TRMT11: variants seen among roughly 807,000 people sequenced by gnomAD.
TRMT11 encodes the protein tRNA (guanine(10)-N(2))-methyltransferase TRMT11.
Under a neutral mutation model 62.8 loss-of-function variants are expected in TRMT11, and 53 were observed. That is an observed-to-expected ratio of 0.84 (90% confidence interval 0.68 to 1.06). The LOEUF (loss-of-function observed/expected upper bound fraction) is 1.06. TRMT11 is among the 50% of genes least tolerant of loss of function. TRMT11 has a pLI of 0.00. For synonymous variants in TRMT11, 188 were observed against 190.3 expected (o/e 0.99, Z 0.10); for missense variants, 556 against 553.4 (o/e 1.00, Z -0.05).
chr6:126,244,295 G>C, the TRMT11 span, among the ~76,000 whole-genome samples: 1 of 151,928 alleles, frequency 6.6e-6, no homozygotes, highest in African/African-American at 2.4e-5. Context: ...TAGATTGCTG[G>C]CATGGTTTGC....
At chr6:126,198,541 T>C (rs1778697848) in intron 1 of TRMT11, among the ~76,000 whole-genome samples, 1 of 152,188 alleles carries the variant, frequency 6.6e-6, no homozygotes, top group African/African-American at 2.4e-5. Context: ...TTGTGTTCAC[T>C]ACATTTATTC....
chr6:126,048,427 A>G (rs1776120866), intron 16 of TRMT11, among the ~76,000 whole-genome samples: 1 of 152,184 alleles, frequency 6.6e-6, no homozygotes, highest in African/African-American at 2.4e-5. Flanking sequence ...CACTTGGAAA[A>G]GTAGAGATTT....
chr6:126,093,621 A>ATTTTT (rs1225083747), intron 17 of TRMT11, among the ~76,000 whole-genome samples: 2 of 90,248 alleles, frequency 2.2e-5, no homozygotes, highest in African/African-American at 1.9e-4. Context: ...ATATATATAT[A>ATTTTT]TATATATATA....
At chr6:126,258,320 G>A in the TRMT11 span, 3 of 405,412 alleles carry the variant, frequency 7.4e-6, no homozygotes, top group Non-Finnish European at 1.4e-5. Flanking sequence ...CCGCCCTGGG[G>A]CCAGGGCCGC....
the TRMT11 span, among the ~76,000 whole-genome samples, chr6:126,223,818 C>T: frequency 8.5e-5 from 13 of 152,148 alleles, no homozygotes; most frequent in Admixed American, 6.5e-4. Flanking sequence ...CATGTTTTTA[C>T]ATAATCCCAT....
intron 2 of TRMT11, chr6:126,199,671 A>G (rs1778712618): frequency 6.6e-6 from 1 of 152,294 alleles, no homozygotes; most frequent in Non-Finnish European, 1.5e-5. Flanking sequence ...AGAAACTAAA[A>G]CTAGCAAAGG....
At chr6:126,056,276 T>G (rs1310438765) in intron 17 of TRMT11, among the ~76,000 whole-genome samples, 5 of 152,214 alleles carry the variant, frequency 3.3e-5, no homozygotes, top group African/African-American at 1.2e-4. Context: ...AGCCTAAAAC[T>G]AAATCCATTA....
chr6:126,183,848 A>AT (rs1778496125), intron 1 of TRMT11, among the ~76,000 whole-genome samples: 2 of 75,718 alleles, frequency 2.6e-5, no homozygotes, highest in Non-Finnish European at 5.3e-5. Flanking sequence ...GGTGGGAGGG[A>AT]GGGGAAGCTG....
At chr6:126,215,468 T>C in the TRMT11 span, among the ~76,000 whole-genome samples, 1 of 152,214 alleles carries the variant, frequency 6.6e-6, no homozygotes, top group Non-Finnish European at 1.5e-5. Flanking sequence ...TTACAGCTTT[T>C]GTCTTGAAAT....
intron 17 of TRMT11, among the ~76,000 whole-genome samples, chr6:126,088,025 C>T (rs1777233757): frequency 6.6e-6 from 1 of 152,066 alleles, no homozygotes; most frequent in Non-Finnish European, 1.5e-5. Flanking sequence ...TTCCCTCTGC[C>T]AATAACTCTG....
At chr6:126,093,585 G>GTGTATATATATATATATATATA (rs1313520779) in intron 17 of TRMT11, among the ~76,000 whole-genome samples, 5 of 46,666 alleles carry the variant, frequency 1.1e-4, no homozygotes, top group Non-Finnish European at 1.5e-4. Context: ...GGATATGTAT[G>GTGTATATATATATATATATATA]TATATATATA....
At chr6:126,234,289 G>T in the TRMT11 span, among the ~76,000 whole-genome samples, 2 of 152,088 alleles carry the variant, frequency 1.3e-5, no homozygotes, top group African/African-American at 4.8e-5. Flanking sequence ...TGAAATATCT[G>T]ATCTGTATCT....
chr6:126,016,755 C>T (rs1396324641), intron 11 of TRMT11, among the ~76,000 whole-genome samples: 10 of 149,656 alleles, frequency 6.7e-5, no homozygotes, highest in Non-Finnish European at 1.3e-4. Flanking sequence ...CTTCTAGTTA[C>T]GTGTCTAACA....
chr6:126,026,598 G>C (rs1773143382), intron 12 of TRMT11, among the ~76,000 whole-genome samples: 1 of 151,894 alleles, frequency 6.6e-6, no homozygotes, highest in South Asian at 2.1e-4. Context: ...TGTTGGCCAG[G>C]ATGGTCTCGA....
intron 1 of TRMT11, among the ~76,000 whole-genome samples, chr6:125,988,299 TGGAAAGTGAGGAAGGGGAGATA>T (rs1316806821): frequency 1.3e-5 from 2 of 152,166 alleles, no homozygotes; most frequent in Admixed American, 1.3e-4. Flanking sequence ...TAGTAATCAC[TGGAAAGTGAGGAAGGGGAGATA>T]GGATAGACTG....
chr6:126,246,462 A>G, the TRMT11 span, among the ~76,000 whole-genome samples: 1 of 152,226 alleles, frequency 6.6e-6, no homozygotes, highest in Admixed American at 6.5e-5. Context: ...GTGAATGATA[A>G]TAGTGAGTAG....
At chr6:126,146,707 G>A (rs548311202) in intron 21 of TRMT11, among the ~76,000 whole-genome samples, 3 of 152,056 alleles carry the variant, frequency 2.0e-5, no homozygotes, top group South Asian at 2.1e-4. Context: ...TAGTAGAGGC[G>A]GGGTTTCACC....
rs756126776 is a variant in TRMT11, at chr6:125,998,342, C to T, written c.387+27C>T. 1.8e-5 allele frequency: 26 copies of T among 1,477,652 alleles called. No individual in the cohort carries two copies. The East Asian group carries it at 5.4e-4, about 31-fold the overall frequency. The allele number at this position is 1,477,652 out of a possible 1,614,324, so 91.5% of individuals were successfully genotyped here. On this transcript the variant is annotated intron_variant, in intron 5 of 12. Coordinates refer to ENST00000334379, the MANE Select transcript of TRMT11 (RefSeq NM_001031712.3). ...TAAGTAAATTTAGCAAAACAAAAAACCTACATGATGAATGCAGTCTGGCCA... is the reference window on the plus strand; with the variant it reads ...TAAGTAAATTTAGCAAAACAAAAAATCTACATGATGAATGCAGTCTGGCCA...
At chr6:125,986,699 C>A in intron 1 of TRMT11, 77 bp downstream of exon 1, 2 of 1,376,024 alleles carry the variant, frequency 1.5e-6, no homozygotes, top group Non-Finnish European at 2.0e-6. Context: ...AGGTGATCTG[C>A]ATAGCCCGAG....
Sources: allele counts gnomAD v4.1 joint callset (sites outside exome capture counted in the v4.1 genomes callset), GRCh38; gene constraint gnomAD v4.1.1; transcripts MANE v1.5; gene names NCBI Gene and HGNC (gene_info 2026-07-23, HGNC 2026-07-21).